The following EDIL3 variants were observed in gnomAD, a reference collection of about 807,000 sequenced individuals.
The protein encoded by EDIL3 is EGF like and discoidin domains 3, also known as EGF-like repeat and discoidin I-like domain-containing protein 3.
EDIL3 carries 37 observed loss-of-function variants against 67.4 expected under a neutral mutation model. That is an observed-to-expected ratio of 0.55 (90% CI 0.42 to 0.72). The LOEUF (loss-of-function observed/expected upper bound fraction) is 0.72. Among genes scored for constraint, EDIL3 ranks in the 30% least tolerant of loss-of-function variants. The pLI is 0.00. For synonymous variants in EDIL3, 195 were observed against 196.3 expected (o/e 0.99, Z 0.05); for missense variants, 527 against 586.3 (o/e 0.90, Z 1.04).
rs564075952 is a variant in EDIL3 at position 84,083,493 on chromosome 5, G to A, written c.652-16887C>T. On this transcript the variant is annotated intron_variant, in intron 6 of 10. Transcript: ENST00000296591. ...TTTTGTTTCTTCTAAGCAAAGTTTTGTGATCTAACAGTTGATGACTCTAGC... is the reference window on the plus strand; with the variant it reads ...TTTTGTTTCTTCTAAGCAAAGTTTTATGATCTAACAGTTGATGACTCTAGC... 2.0e-5 allele frequency among the ~76,000 whole-genome samples: 3 copies of A among 152,240 alleles called. No homozygotes were observed. The East Asian group carries it at 5.8e-4, about 29-fold the overall frequency.
chr5:84,115,495 T>C (rs1478101881), intron 5 of EDIL3, among the ~76,000 whole-genome samples: 1 of 152,184 alleles, frequency 6.6e-6, no homozygotes, highest in African/African-American at 2.4e-5. Flanking sequence ...ATTATTTAAA[T>C]AGTAGAGCCT....
intron 1 of EDIL3, among the ~76,000 whole-genome samples, chr5:84,380,523 G>C (rs969896471): frequency 6.6e-6 from 1 of 152,068 alleles, no homozygotes; most frequent in Non-Finnish European, 1.5e-5. Flanking sequence ...TTCTTTGGAA[G>C]AGATACAATG....
intron 4 of EDIL3, among the ~76,000 whole-genome samples, chr5:84,163,539 T>A (rs1441402433): frequency 6.6e-6 from 1 of 152,126 alleles, no homozygotes; most frequent in African/African-American, 2.4e-5. Context: ...ATATCTTGGA[T>A]GACTTTATTA....
At chr5:84,064,259 TAA>T (rs72244696) in intron 8 of EDIL3, among the ~76,000 whole-genome samples, 8,391 of 152,184 alleles carry the variant, frequency 0.055, 771 homozygotes, top group African/African-American at 0.19. Flanking sequence ...CAGACAAAGA[TAA>T]AGTTCTTATG....
chr5:83,988,433 C>A (rs998942698), intron 9 of EDIL3, among the ~76,000 whole-genome samples: 3 of 152,020 alleles, frequency 2.0e-5, no homozygotes, highest in Non-Finnish European at 4.4e-5. Context: ...GGAAAACAGT[C>A]CTCCTTTCAT....
chr5:84,236,871 G>A (rs974350087), intron 2 of EDIL3, among the ~76,000 whole-genome samples: 1 of 151,620 alleles, frequency 6.6e-6, no homozygotes, highest in Non-Finnish European at 1.5e-5. Flanking sequence ...ACTTGTAAGG[G>A]ATAAAGCAGA....
chr5:84,039,452 A>G (rs1746081023), intron 9 of EDIL3, among the ~76,000 whole-genome samples: 1 of 152,200 alleles, frequency 6.6e-6, no homozygotes, highest in African/African-American at 2.4e-5. Flanking sequence ...GTGGAAGTCA[A>G]TTTAAGCATA....
chr5:84,242,194 T>C (rs1561232382), intron 2 of EDIL3, among the ~76,000 whole-genome samples: 1 of 151,356 alleles, frequency 6.6e-6, no homozygotes, highest in South Asian at 2.1e-4. Flanking sequence ...ATCACGCCAC[T>C]GCACTCCAGC....
chr5:84,281,510 AAAG>A (rs1188755862), intron 1 of EDIL3, among the ~76,000 whole-genome samples: 2 of 152,234 alleles, frequency 1.3e-5, no homozygotes, highest in Non-Finnish European at 2.9e-5. Context: ...AACACTCAGC[AAAG>A]TATCTAATCA....
intron 5 of EDIL3, among the ~76,000 whole-genome samples, chr5:84,115,059 T>C (rs887882867): frequency 1.3e-5 from 2 of 152,200 alleles, no homozygotes; most frequent in Non-Finnish European, 2.9e-5. Context: ...ATCATTGCTT[T>C]TTGGAATTAC....
At chr5:84,165,842 T>C (rs1181252081) in intron 4 of EDIL3, among the ~76,000 whole-genome samples, 2 of 152,186 alleles carry the variant, frequency 1.3e-5, no homozygotes, top group East Asian at 3.9e-4. Context: ...CATGGGTGGC[T>C]GTTCCTTCTA....
intron 6 of EDIL3, among the ~76,000 whole-genome samples, chr5:84,092,651 T>G (rs1329314584): frequency 6.6e-6 from 1 of 152,190 alleles, no homozygotes; most frequent in Non-Finnish European, 1.5e-5. Flanking sequence ...GCTTCTTTTC[T>G]AAAATAAGTT....
At chr5:84,285,732 C>T (rs1745795216) in intron 1 of EDIL3, among the ~76,000 whole-genome samples, 1 of 152,212 alleles carries the variant, frequency 6.6e-6, no homozygotes, top group East Asian at 1.9e-4. Context: ...TGCATTGCTG[C>T]ACTTTCAGTG....
At chr5:84,045,957 C>G (rs1746215864) in intron 9 of EDIL3, among the ~76,000 whole-genome samples, 2 of 152,182 alleles carry the variant, frequency 1.3e-5, no homozygotes, top group Non-Finnish European at 2.9e-5. Flanking sequence ...ACAAAAGTCT[C>G]TAGGATAAAC....
chr5:83,986,694 G>C (rs760703251), intron 9 of EDIL3, among the ~76,000 whole-genome samples: 3 of 152,048 alleles, frequency 2.0e-5, no homozygotes, highest in African/African-American at 7.2e-5. Context: ...CCCTGCAGGC[G>C]TAAGAACAAA....
intron 9 of EDIL3, among the ~76,000 whole-genome samples, chr5:83,974,387 A>G (rs906702706): frequency 2.6e-5 from 4 of 151,872 alleles, no homozygotes; most frequent in African/African-American, 9.7e-5. Flanking sequence ...GGGAGAGAAG[A>G]GGGAGATGAC....
chr5:84,254,207 T>C lies in EDIL3; in HGVS notation c.73A>G (p.Ile25Val), dbSNP rs142764044. ...TTTTCACATGGATTGGGATCACAAA[T>C]ATCACCTAAGGCATAAAAAAAAACC... ...LGVPQFGKGD[I>V]CDPNPCENGG... Residue 25 changes from isoleucine (I) to valine (V), a missense_variant, in exon 2 of 11, where the codon ATT becomes GTT. This residue lies in a region of EDIL3 where 494 missense variants were observed against 522.5 expected (regional missense o/e 0.95). Transcript: ENST00000296591. The C allele has an allele frequency of 1.2e-4, 201 of 1,610,224 alleles. No individual in the cohort carries two copies. The highest frequency in any genetic ancestry group is 8.3e-4 in the Middle Eastern group (5 of 6,042).
At chr5:84,285,073 T>C (rs1483850549) in intron 1 of EDIL3, among the ~76,000 whole-genome samples, 1 of 152,198 alleles carries the variant, frequency 6.6e-6, no homozygotes, top group African/African-American at 2.4e-5. Flanking sequence ...CTGTGTTAAA[T>C]AGCACTATGA....
At chr5:84,270,129 G>T (rs151325650) in intron 1 of EDIL3, among the ~76,000 whole-genome samples, 262 of 152,190 alleles carry the variant, frequency 1.7e-3, no homozygotes, top group African/African-American at 5.9e-3. Context: ...TCTTTATTTT[G>T]TAATGTTTTC....
Sources: allele counts gnomAD v4.1 joint callset (sites outside exome capture counted in the v4.1 genomes callset), GRCh38; gene constraint gnomAD v4.1.1; regional missense constraint gnomAD v4.1.1; transcripts MANE v1.5; gene names NCBI Gene and HGNC (gene_info 2026-07-23, HGNC 2026-07-21).